Variants in CNTNAP2 observed in about 807,000 individuals in gnomAD.
CNTNAP2 encodes the protein contactin-associated protein-like 2.
Under a neutral mutation model 155.2 loss-of-function variants are expected in CNTNAP2, and 98 were observed. The observed-to-expected ratio is 0.63, with a 90% CI of 0.54 to 0.75. The LOEUF is 0.75. Among genes scored for constraint, CNTNAP2 ranks in the 30% least tolerant of loss-of-function variants. CNTNAP2 has a pLI of 0.00. For missense variants in CNTNAP2, 1,727 were observed against 1,688.1 expected (o/e 1.02, Z -0.40); for synonymous variants, 651 against 631.2 (o/e 1.03, Z -0.47).
chr7:147,382,385 A>T (rs1796551316), intron 9 of CNTNAP2, among the ~76,000 whole-genome samples: 1 of 152,194 alleles, frequency 6.6e-6, no homozygotes, highest in African/African-American at 2.4e-5. Context: ...GGTAGAATTA[A>T]TATGATATGA....
chr7:147,824,141 G>T (rs182906625), intron 13 of CNTNAP2, among the ~76,000 whole-genome samples: 48 of 152,242 alleles, frequency 3.2e-4, no homozygotes, highest in Admixed American at 1.0e-3. Context: ...TGAGGGGCTT[G>T]GTGAAGCCTT....
intron 4 of CNTNAP2, among the ~76,000 whole-genome samples, chr7:147,047,715 T>C (rs1799392983): frequency 6.6e-6 from 1 of 152,144 alleles, no homozygotes; most frequent in Admixed American, 6.6e-5. Flanking sequence ...CAAGTAGATT[T>C]ATAAAGTTGT....
chr7:146,920,251 TA>T lies in CNTNAP2; in HGVS notation c.402+80352del, dbSNP rs1357844015. The stretch of plus-strand genomic sequence containing the variant: ...CAAGGTGGTGAAACTCCATCTCTAC[TA>T]AAAATACAAAAATTAGTCGATCATG... On this transcript the variant is annotated intron_variant, in intron 3 of 23. Coordinates refer to ENST00000361727, the MANE Select transcript of CNTNAP2 (RefSeq NM_014141.6). 2.0e-5 allele frequency among the ~76,000 whole-genome samples: 3 copies of T among 152,086 alleles called. No individual in the cohort carries two copies. The East Asian group carries it at 5.8e-4, about 30-fold the overall frequency.
intron 1 of CNTNAP2, among the ~76,000 whole-genome samples, chr7:146,361,997 AATATAT>A (rs1795088977): frequency 2.0e-5 from 3 of 152,286 alleles, no homozygotes; most frequent in African/African-American, 7.2e-5. Context: ...TTTATTAAAA[AATATAT>A]AAATAGATAT....
chr7:146,922,590 G>T (rs1267129193), intron 3 of CNTNAP2, among the ~76,000 whole-genome samples: 1 of 152,120 alleles, frequency 6.6e-6, no homozygotes, highest in Non-Finnish European at 1.5e-5. Flanking sequence ...TTGAAGAGAG[G>T]CAGTATGGAA....
chr7:148,282,082 T>A (rs61264450), intron 21 of CNTNAP2, among the ~76,000 whole-genome samples: 1 of 152,056 alleles, frequency 6.6e-6, no homozygotes, highest in African/African-American at 2.4e-5. Flanking sequence ...CTCGGCCTCC[T>A]AAAGTTCTGG....
intron 1 of CNTNAP2, among the ~76,000 whole-genome samples, chr7:146,574,220 A>G (rs1288359574): frequency 1.3e-5 from 2 of 151,794 alleles, no homozygotes; most frequent in African/African-American, 2.4e-5. Context: ...AAACAAAACA[A>G]AAATAACACG....
intron 16 of CNTNAP2, among the ~76,000 whole-genome samples, chr7:148,122,443 G>C (rs972398725): frequency 2.6e-5 from 4 of 152,100 alleles, no homozygotes; most frequent in Non-Finnish European, 4.4e-5. Flanking sequence ...GGAAGAACAG[G>C]AGCCAGGGAA....
rs1036767987 is a variant in CNTNAP2 at position 146,940,450 on chromosome 7, C to A, written c.402+100546C>A. Among the ~76,000 whole-genome samples, 3 of 152,084 alleles carry A rather than the reference C, an allele frequency of 2.0e-5. No homozygotes were observed. The South Asian group carries it at 6.2e-4, about 31-fold the overall frequency. ...CCTCGTGATCTGCCTGCCTCAGCCT[C>A]CCAAAGTGCTAGGATTACAGGCGTG... is the stretch of plus-strand genomic sequence containing the variant. On this transcript the variant is annotated intron_variant, in intron 3 of 23. Transcript: ENST00000361727.
intron 8 of CNTNAP2, among the ~76,000 whole-genome samples, chr7:147,299,811 G>A (rs1295225465): frequency 6.6e-6 from 1 of 152,172 alleles, no homozygotes; most frequent in Non-Finnish European, 1.5e-5. Flanking sequence ...GCTGGATGCA[G>A]TGGCTCACGC....
rs1011150189 is a variant in CNTNAP2, at chr7:146,640,443, G to C, written c.98-133828G>C. On this transcript the variant is annotated intron_variant, in intron 1 of 23. Transcript: ENST00000361727. ...TTAGGGCTAGAAGGTCATCTTTGGT[G>C]AATTAGCCTGATGCCTCATTAAAGA... Among the ~76,000 whole-genome samples the C allele has an allele frequency of 2.6e-5, 4 of 152,294 alleles. No homozygotes were observed. In the East Asian group the frequency reaches 7.7e-4, roughly 29 times the overall value.
intron 2 of CNTNAP2, among the ~76,000 whole-genome samples, chr7:146,793,890 GT>G (rs1802721800): frequency 6.6e-6 from 1 of 152,146 alleles, no homozygotes; most frequent in South Asian, 2.1e-4. Flanking sequence ...AAGGCATTTT[GT>G]TTACTGTTAA....
At chr7:146,386,337 AT>A (rs1275666328) in intron 1 of CNTNAP2, among the ~76,000 whole-genome samples, 1 of 152,176 alleles carries the variant, frequency 6.6e-6, no homozygotes, top group African/African-American at 2.4e-5. Context: ...TTAAAATTAA[AT>A]CACTTGGAAT....
intron 1 of CNTNAP2, among the ~76,000 whole-genome samples, chr7:146,660,517 G>A (rs1227778318): frequency 6.6e-6 from 1 of 152,196 alleles, no homozygotes; most frequent in Non-Finnish European, 1.5e-5. Context: ...AAAATTAAAA[G>A]AGGTAATGTG....
chr7:147,921,803 G>A (rs981342859), intron 14 of CNTNAP2, among the ~76,000 whole-genome samples: 3 of 152,170 alleles, frequency 2.0e-5, no homozygotes, highest in African/African-American at 7.2e-5. Flanking sequence ...AACAGGAGCA[G>A]GGGACCAACT....
chr7:148,251,932 C>A (rs1796370015), intron 20 of CNTNAP2, among the ~76,000 whole-genome samples: 1 of 152,208 alleles, frequency 6.6e-6, no homozygotes, highest in Non-Finnish European at 1.5e-5. Flanking sequence ...ACCACAGCCA[C>A]CAACACAGGA....
Position 147,775,349 on chromosome 7 carries a change from T to TTA in CNTNAP2, c.2099-128208_2099-128207dup, listed in dbSNP as rs1197414302. Among the ~76,000 whole-genome samples the TTA allele has an allele frequency of 2.7e-3, 99 of 36,460 alleles. 2 individuals carry two copies. The highest frequency in any genetic ancestry group is 8.7e-3 in the African/African-American group (38 of 4,358). The allele number at this position is 36,460 out of a possible 152,430, so 23.9% of individuals were successfully genotyped here. ...TATATATATTTATAAATATATATAT[T>TTA]TATATATATTTATAAATATATATAT... On this transcript the variant is annotated intron_variant, in intron 13 of 23. Coordinates refer to ENST00000361727, the MANE Select transcript of CNTNAP2 (RefSeq NM_014141.6).
At chr7:146,263,175 C>T (rs1200698294) in intron 1 of CNTNAP2, among the ~76,000 whole-genome samples, 1 of 150,644 alleles carries the variant, frequency 6.6e-6, no homozygotes, top group Non-Finnish European at 1.5e-5. Context: ...AAAAATTAGC[C>T]GGGCTTGGTG....
At chr7:147,525,183 A>G (rs1165210242) in intron 11 of CNTNAP2, among the ~76,000 whole-genome samples, 2 of 152,212 alleles carry the variant, frequency 1.3e-5, no homozygotes, top group African/African-American at 2.4e-5. Flanking sequence ...TACATCTTTA[A>G]GTTGAGAATC....
Sources: gnomAD v4.1 joint callset for allele counts (sites outside exome capture counted in the v4.1 genomes callset) on GRCh38, gnomAD v4.1.1 for gene constraint, MANE v1.5 for transcripts, NCBI Gene and HGNC (gene_info 2026-07-23, HGNC 2026-07-21) for gene names.